The following ABCC1 variants were observed in gnomAD, a reference collection of about 807,000 sequenced individuals.
ABCC1 encodes the protein multidrug resistance-associated protein 1.
A neutral mutation model predicts 172.9 loss-of-function variants in ABCC1; 83 were observed. That is an observed-to-expected ratio of 0.48 (90% CI 0.40 to 0.58). ABCC1 has a LOEUF of 0.58. ABCC1 is among the 20% of genes least tolerant of loss of function. The probability of loss-of-function intolerance (pLI) is 0.00; values close to 1 mark genes in which losing one functional copy is unlikely to be tolerated. For missense variants in ABCC1, 1,817 were observed against 2,002.7 expected (o/e 0.91, Z 1.77); for synonymous variants, 937 against 825.2 (o/e 1.14, Z -2.32).
chr16:16,055,897 G>A (rs1409862551), intron 11 of ABCC1, among the ~76,000 whole-genome samples, 195 bp from the exon 12 acceptor site: 1 of 150,752 alleles, frequency 6.6e-6, no homozygotes, highest in African/African-American at 2.4e-5. Context: ...TGTAATCCCA[G>A]CACAGGAGTT....
chr16:16,108,956 G>A (rs1224287354), intron 21 of ABCC1, among the ~76,000 whole-genome samples: 1 of 151,852 alleles, frequency 6.6e-6, no homozygotes, highest in Non-Finnish European at 1.5e-5. Context: ...AGAGGTTCCT[G>A]AACGCTGCAG....
chr16:15,994,219 C>T (rs1308718645), intron 1 of ABCC1, among the ~76,000 whole-genome samples: 1 of 151,952 alleles, frequency 6.6e-6, no homozygotes, highest in Admixed American at 6.6e-5. Flanking sequence ...GACCCTGTCT[C>T]AAAAAACAAA....
chr16:16,054,535 C>T (rs894498982), intron 11 of ABCC1, among the ~76,000 whole-genome samples: 1 of 151,602 alleles, frequency 6.6e-6, no homozygotes, highest in Non-Finnish European at 1.5e-5. Flanking sequence ...GCTGCACTGA[C>T]GATACCACAG....
At chr16:16,037,537 G>A (rs1392881569) in intron 7 of ABCC1, among the ~76,000 whole-genome samples, 2 of 152,180 alleles carry the variant, frequency 1.3e-5, no homozygotes, top group African/African-American at 4.8e-5. Context: ...TCTCGAGCCC[G>A]GACGAACTGG....
chr16:16,113,393 C>T (rs540944435), intron 22 of ABCC1, among the ~76,000 whole-genome samples: 3 of 152,296 alleles, frequency 2.0e-5, no homozygotes, highest in East Asian at 3.9e-4. Flanking sequence ...CAGTAGCTCA[C>T]GCCTGTAACC....
chr16:15,978,068 C>A (rs1027794224), intron 1 of ABCC1, among the ~76,000 whole-genome samples: 2 of 152,108 alleles, frequency 1.3e-5, no homozygotes, highest in African/African-American at 4.8e-5. Context: ...TTCACAATGT[C>A]TCTGATGAAA....
intron 11 of ABCC1, 51 bp from the exon 12 acceptor site, chr16:16,056,040 TG>T (rs1292606445): frequency 3.3e-6 from 5 of 1,514,214 alleles, no homozygotes; most frequent in Non-Finnish European, 3.7e-6. Flanking sequence ...TGTTGAGTGA[TG>T]GGCTGATCCC....
intron 1 of ABCC1, among the ~76,000 whole-genome samples, chr16:15,954,789 G>A (rs1288522478): frequency 6.6e-6 from 1 of 152,074 alleles, no homozygotes; most frequent in African/African-American, 2.4e-5. Flanking sequence ...GGACCTGGTG[G>A]TAGATGGGGG....
chr16:16,088,946 G>A (rs2051127198), intron 18 of ABCC1, among the ~76,000 whole-genome samples: 1 of 152,058 alleles, frequency 6.6e-6, no homozygotes, highest in African/African-American at 2.4e-5. Flanking sequence ...TGGCCTCAAG[G>A]AATCCTCCCG....
intron 9 of ABCC1, among the ~76,000 whole-genome samples, chr16:16,047,765 G>C (rs1392894715): frequency 6.6e-6 from 1 of 151,904 alleles, no homozygotes; most frequent in Non-Finnish European, 1.5e-5. Context: ...GCCTGGAAGC[G>C]TAGAAATGCA....
intron 24 of ABCC1, among the ~76,000 whole-genome samples, chr16:16,124,363 CCCACTACGCCCGGCTGTGT>C (rs2152118391): frequency 1.7e-5 from 1 of 60,304 alleles, no homozygotes; most frequent in South Asian, 5.7e-4. Context: ...ATAGGAGTGA[CCCACTACGCCCGGCTGTGT>C]GTGTGTGTGT....
intron 1 of ABCC1, among the ~76,000 whole-genome samples, chr16:15,991,553 G>A (rs776953999): frequency 3.3e-5 from 5 of 151,996 alleles, no homozygotes; most frequent in African/African-American, 4.8e-5. Context: ...CCCCCACTGC[G>A]GGCGGAGCTG....
intron 12 of ABCC1, among the ~76,000 whole-genome samples, chr16:16,063,258 C>T (rs1017983141): frequency 3.9e-5 from 6 of 152,092 alleles, no homozygotes; most frequent in Non-Finnish European, 7.4e-5. Context: ...AGGTGTGCGC[C>T]ACCACACCTG....
chr16:16,004,234 C>CA (rs111672852), intron 1 of ABCC1, among the ~76,000 whole-genome samples: 75,149 of 151,648 alleles, frequency 0.5, 19,531 homozygotes, highest in Non-Finnish European at 0.59. Context: ...GAAGCAGTTG[C>CA]ATAGTCCTGG....
At chr16:16,093,910 C>T (rs1349537974) in intron 19 of ABCC1, among the ~76,000 whole-genome samples, 1 of 150,920 alleles carries the variant, frequency 6.6e-6, no homozygotes, top group Non-Finnish European at 1.5e-5. Flanking sequence ...ATACCGACCT[C>T]TCTCCCGGGA....
Position 16,138,424 on chromosome 16 carries a change from T to A in ABCC1, c.4353T>A (p.Leu1451=). The part of the protein sequence containing the change: ...ARALLRKTKI[L]VLDEATAAVD... ...CCCTGCTGAGGAAGACGAAGATCCTTGTGTTGGATGAGGCCACGGCAGCCG... is the reference window on the plus strand; with the variant it reads ...CCCTGCTGAGGAAGACGAAGATCCTAGTGTTGGATGAGGCCACGGCAGCCG... The change falls in exon 30 of 31, where the codon CTT becomes CTA. Residue 1451 remains leucine (L), a synonymous_variant. Coordinates refer to ENST00000399410, the MANE Select transcript of ABCC1 (RefSeq NM_004996.4). 1 of 1,612,144 alleles carries A rather than the reference T, an allele frequency of 6.2e-7. No homozygotes were observed. Among genetic ancestry groups the A allele is most frequent in the Middle Eastern group, 1.7e-4 (1 of 6,058 alleles).
chr16:16,078,642 G>A (rs1279896366), intron 15 of ABCC1, among the ~76,000 whole-genome samples: 4 of 152,024 alleles, frequency 2.6e-5, no homozygotes, highest in Non-Finnish European at 4.4e-5. Context: ...ACATGTTTCT[G>A]TGTGTGGGAC....
At chr16:16,123,700 A>G (rs1280085829) in intron 24 of ABCC1, among the ~76,000 whole-genome samples, 2 of 152,192 alleles carry the variant, frequency 1.3e-5, no homozygotes, top group African/African-American at 4.8e-5. Flanking sequence ...ACATGATACC[A>G]TACTAAACCT....
intron 19 of ABCC1, among the ~76,000 whole-genome samples, chr16:16,093,516 C>T (rs2051337727): frequency 1.3e-5 from 2 of 152,132 alleles, no homozygotes; most frequent in African/African-American, 4.8e-5. Context: ...ACCCTGGCAC[C>T]TCGTGCGTTC....
Sources: gnomAD v4.1 joint callset for allele counts (sites outside exome capture counted in the v4.1 genomes callset) on GRCh38, gnomAD v4.1.1 for gene constraint, MANE v1.5 for transcripts, NCBI Gene and HGNC (gene_info 2026-07-23, HGNC 2026-07-21) for gene names.